RAB6B: variants seen among roughly 807,000 people sequenced by gnomAD.
RAB6B encodes the protein RAB6B, member RAS oncogene family.
In RAB6B, 7 loss-of-function variants were observed where a neutral mutation model predicts 31.2. The ratio of observed to expected loss-of-function variants is 0.22; its 90% CI spans 0.13 to 0.42. The LOEUF (loss-of-function observed/expected upper bound fraction) is 0.42. Ranked by LOEUF, RAB6B falls within the 10% of genes least tolerant of loss-of-function variation. RAB6B has a pLI of 1.00. For missense variants in RAB6B, 149 were observed against 280.6 expected (o/e 0.53, Z 3.35); for synonymous variants, 105 against 104.9 (o/e 1.00, Z -0.01).
At chr3:133,886,633 GA>G (rs1450962240) in intron 1 of RAB6B, among the ~76,000 whole-genome samples, 1 of 152,134 alleles carries the variant, frequency 6.6e-6, no homozygotes, top group Non-Finnish European at 1.5e-5. Flanking sequence ...TCACCTGGCA[GA>G]CCTTCGCTTT....
At chr3:133,888,120 C>T (rs570617229) in intron 1 of RAB6B, among the ~76,000 whole-genome samples, 1 of 152,224 alleles carries the variant, frequency 6.6e-6, no homozygotes, top group East Asian at 1.9e-4. Context: ...CTCCTCCGCT[C>T]CAGTCCTAGG....
At chr3:133,892,486 C>A (rs571232712) in intron 1 of RAB6B, among the ~76,000 whole-genome samples, 1 of 152,140 alleles carries the variant, frequency 6.6e-6, no homozygotes, top group Non-Finnish European at 1.5e-5. Context: ...TGTCCACCTG[C>A]GATTATCTGG....
chr3:133,837,277 AAGGGGACTACTG>A (rs1394585895), intron 6 of RAB6B, among the ~76,000 whole-genome samples: 1 of 152,182 alleles, frequency 6.6e-6, no homozygotes. Context: ...TAGGATGATA[AAGGGGACTACTG>A]AGTACTGAAA....
At chr3:133,836,210 G>A (rs1478490287) in intron 6 of RAB6B, among the ~76,000 whole-genome samples, 1 of 152,340 alleles carries the variant, frequency 6.6e-6, no homozygotes, top group African/African-American at 2.4e-5. Context: ...CTTGTGGGCG[G>A]GCTGCAGAGG....
intron 7 of RAB6B, 119 bp from the exon 8 acceptor site, chr3:133,828,971 C>T: frequency 2.0e-6 from 2 of 999,544 alleles, no homozygotes; most frequent in Admixed American, 2.7e-5. Context: ...AGGGACTTGG[C>T]TCTTGGTTTG....
intron 1 of RAB6B, among the ~76,000 whole-genome samples, chr3:133,882,230 G>C (rs374390529): frequency 2.0e-5 from 3 of 152,208 alleles, no homozygotes; most frequent in Non-Finnish European, 4.4e-5. Flanking sequence ...TTCAAGGCCA[G>C]CAAGAGGAGT....
At chr3:133,887,590 G>C (rs941419767) in intron 1 of RAB6B, among the ~76,000 whole-genome samples, 4 of 152,192 alleles carry the variant, frequency 2.6e-5, no homozygotes. Flanking sequence ...CAGAGTTAGA[G>C]CTCCACTGGC....
intron 6 of RAB6B, among the ~76,000 whole-genome samples, chr3:133,835,566 G>A (rs929821142): frequency 2.0e-5 from 3 of 151,832 alleles, no homozygotes; most frequent in Non-Finnish European, 4.4e-5. Context: ...GGCAGAGATG[G>A]AATCTTGGAG....
chr3:133,858,329 C>T (rs1936111036), intron 2 of RAB6B, among the ~76,000 whole-genome samples: 1 of 152,224 alleles, frequency 6.6e-6, no homozygotes, highest in Non-Finnish European at 1.5e-5. Context: ...ACCAATGTAG[C>T]TGTAAAAATA....
intron 2 of RAB6B, among the ~76,000 whole-genome samples, chr3:133,857,737 T>A (rs1936102149): frequency 6.6e-6 from 1 of 152,192 alleles, no homozygotes; most frequent in African/African-American, 2.4e-5. Flanking sequence ...GATCATTACC[T>A]CCCACTGGAC....
intron 1 of RAB6B, among the ~76,000 whole-genome samples, chr3:133,882,393 G>A (rs1191119761): frequency 5.3e-5 from 8 of 152,190 alleles, no homozygotes; most frequent in Admixed American, 4.6e-4. Flanking sequence ...CTCTGGGGAG[G>A]AGGCTATGCA....
Position 133,895,584 on chromosome 3 carries a change from G to A in RAB6B, c.-118C>T. 1 of 985,620 alleles carries A rather than the reference G, an allele frequency of 1.0e-6. No homozygotes were observed. The highest frequency in any genetic ancestry group is 1.5e-6 in the Non-Finnish European group (1 of 652,942). The allele number at this position is 985,620 out of a possible 1,614,324, so 61.1% of individuals were successfully genotyped here. A position where few individuals can be genotyped will look rare whatever the true frequency, so the allele number is the denominator to read the frequency against. On this transcript the variant is annotated 5_prime_UTR_variant, in exon 1 of 8. Coordinates refer to ENST00000285208, the MANE Select transcript of RAB6B (RefSeq NM_016577.4). ...TGCGGGAGCCGGAGGGGGAAGGGCT[G>A]GCTGCGCGCGTCCCTGACTCCCCAG...
intron 1 of RAB6B, among the ~76,000 whole-genome samples, chr3:133,873,674 T>C (rs1284468105): frequency 6.6e-6 from 1 of 152,220 alleles, no homozygotes; most frequent in Non-Finnish European, 1.5e-5. Flanking sequence ...AAAATTTATA[T>C]ATTCAAGGTG....
At chr3:133,891,976 A>G (rs1359724508) in intron 1 of RAB6B, among the ~76,000 whole-genome samples, 2 of 152,206 alleles carry the variant, frequency 1.3e-5, no homozygotes, top group Non-Finnish European at 1.5e-5. Flanking sequence ...GACAGTGCAC[A>G]GCAGACGCAT....
chr3:133,858,136 C>T (rs958099821), intron 2 of RAB6B, among the ~76,000 whole-genome samples: 5 of 152,178 alleles, frequency 3.3e-5, no homozygotes, highest in African/African-American at 9.7e-5. Context: ...AACCCGCCCT[C>T]GGGCCTTCCA....
chr3:133,890,537 G>A (rs1208048914), intron 1 of RAB6B, among the ~76,000 whole-genome samples: 16 of 152,124 alleles, frequency 1.1e-4, no homozygotes, highest in South Asian at 1.0e-3. Context: ...CCCGGGAGGC[G>A]GAGGTTGCAG....
rs1935530793 is a variant in RAB6B, at chr3:133,824,784, G to A, written c.*4004C>T. The A allele has an allele frequency of 6.6e-6, 1 of 152,144 alleles. No homozygotes were observed. The highest frequency in any genetic ancestry group is 2.4e-5 in the African/African-American group (1 of 41,430). 9.4% of individuals were successfully genotyped at this position (152,144 alleles called of 1,614,324 possible). On this transcript the variant is annotated 3_prime_UTR_variant, in exon 8 of 8. Transcript: ENST00000285208. ...AAGAACCTAGTGTCCTAACCAAAAA[G>A]AGTAGAGATGGTCTGAGGAACACAC...
intron 2 of RAB6B, among the ~76,000 whole-genome samples, chr3:133,857,334 G>A (rs1468715799): frequency 6.8e-6 from 1 of 146,586 alleles, no homozygotes; most frequent in African/African-American, 2.5e-5. Flanking sequence ...TTAAAAAAAA[G>A]AGTAATACTA....
intron 2 of RAB6B, among the ~76,000 whole-genome samples, chr3:133,859,970 C>T (rs1164135309): frequency 1.3e-5 from 2 of 152,268 alleles, no homozygotes; most frequent in South Asian, 2.1e-4. Flanking sequence ...GAAAGGATCC[C>T]GGGGGAAATG....
Sources: gnomAD v4.1 joint callset for allele counts (sites outside exome capture counted in the v4.1 genomes callset) on GRCh38, gnomAD v4.1.1 for gene constraint, MANE v1.5 for transcripts, NCBI Gene and HGNC (gene_info 2026-07-23, HGNC 2026-07-21) for gene names.